Variants in HSPH1 observed in about 807,000 individuals in gnomAD.
HSPH1 encodes the protein heat shock protein family H (Hsp110) member 1, also known as heat shock protein 105 kDa.
HSPH1 carries 40 observed loss-of-function variants against 100.0 expected under a neutral mutation model. The observed-to-expected ratio is 0.40, with a 90% CI of 0.31 to 0.52. HSPH1 has a LOEUF of 0.52. HSPH1 is among the 20% of genes least tolerant of loss of function. The probability of loss-of-function intolerance (pLI) is 0.54; values close to 1 mark genes in which losing one functional copy is unlikely to be tolerated. For missense variants in HSPH1, 876 were observed against 1,015.1 expected, an observed-to-expected ratio of 0.86 and a Z score of 1.86; for synonymous variants, 403 against 344.0, an observed-to-expected ratio of 1.17 and a Z score of -1.90.
chr13:31,140,197 A>C lies in HSPH1; in HGVS notation c.1967T>G (p.Phe656Cys), dbSNP rs757280330. Reference protein sequence around the residue: ...RDKLCGPYEKFICEQDHQNFL... With the variant: ...RDKLCGPYEKCICEQDHQNFL... ...TCTAAGACATACCTGCTCACATATA[A>C]ATTTTTCATATGGTCCACACAGCTT... Residue 656 changes from phenylalanine (F) to cysteine (C), a missense_variant, in exon 14 of 18, where the codon TTT becomes TGT. Transcript: ENST00000320027. 32 of 1,610,942 alleles carry C rather than the reference A, an allele frequency of 2.0e-5. No individual in the cohort carries two copies. Among genetic ancestry groups the C allele is most frequent in the East Asian group, 4.5e-5 (2 of 44,788 alleles).
chr13:31,140,356 A>T (rs1341939542), intron 13 of HSPH1, 47 bp from the exon 14 acceptor site: 2 of 1,573,578 alleles, frequency 1.3e-6, no homozygotes, highest in African/African-American at 2.7e-5. Flanking sequence ...AGTTAACTCA[A>T]GCTAAATTCT....
chr13:31,159,607 G>A lies in HSPH1; in HGVS notation c.108-744C>T, dbSNP rs139385784. 7.6e-4 allele frequency among the ~76,000 whole-genome samples: 116 copies of A among 152,216 alleles called. 2 individuals carry two copies. In the East Asian group the frequency reaches 8.1e-3, roughly 11 times the overall value. On this transcript the variant is annotated intron_variant, in intron 1 of 17. Coordinates refer to ENST00000320027, the MANE Select transcript of HSPH1 (RefSeq NM_006644.4). Reference sequence around the variant, plus strand: ...AGCTTAAAAAGTCTTGTGAGAAGAAGGTAAGTGAATTAGGTTTTGGATTAG... The same window carrying A: ...AGCTTAAAAAGTCTTGTGAGAAGAAAGTAAGTGAATTAGGTTTTGGATTAG...
At chr13:31,152,736 A>AATCTG in intron 5 of HSPH1, 116 bp downstream of exon 5, 5 of 697,522 alleles carry the variant, frequency 7.2e-6, no homozygotes, top group South Asian at 7.1e-5. Flanking sequence ...TTTGTTTTCA[A>AATCTG]ATCTGACTTG....
chr13:31,140,849 T>C (rs1565996294), intron 13 of HSPH1: 5 of 269,228 alleles, frequency 1.9e-5, no homozygotes, highest in Non-Finnish European at 2.7e-5. Context: ...TAGTGTGCCG[T>C]GAAATTCCAA....
chr13:31,160,724 T>C (rs1353996359), intron 1 of HSPH1, among the ~76,000 whole-genome samples: 1 of 152,112 alleles, frequency 6.6e-6, no homozygotes, highest in Non-Finnish European at 1.5e-5. Flanking sequence ...CTCTTTTAAA[T>C]AAACTGTGCA....
At chr13:31,148,697 C>A (rs1050439199) in intron 8 of HSPH1, among the ~76,000 whole-genome samples, 24 of 151,682 alleles carry the variant, frequency 1.6e-4, no homozygotes, top group African/African-American at 5.8e-4. Context: ...AATAATATAT[C>A]TTAGGATAAC....
rs912869133 is a variant in HSPH1, at chr13:31,161,889, G to C, written c.-307C>G. 5 of 1,493,314 alleles carry C rather than the reference G, an allele frequency of 3.3e-6. No individual in the cohort carries two copies. Among genetic ancestry groups the C allele is most frequent in the Non-Finnish European group, 4.5e-6 (5 of 1,122,890 alleles). The allele number at this position is 1,493,314 out of a possible 1,614,324, so 92.5% of individuals were successfully genotyped here. Reference sequence around the variant, plus strand: ...CCGCGGCTCGCACACCGGCGCCGGCGCTGAACTACCGACCCAAAAGGGGAG... The same window carrying C: ...CCGCGGCTCGCACACCGGCGCCGGCCCTGAACTACCGACCCAAAAGGGGAG... On this transcript the variant is annotated 5_prime_UTR_variant, in exon 1 of 18. Transcript: ENST00000320027.
At chr13:31,141,797 T>TACACACACACACAC (rs10573885) in intron 12 of HSPH1, among the ~76,000 whole-genome samples, 2 of 124,132 alleles carry the variant, frequency 1.6e-5, no homozygotes, top group East Asian at 4.4e-4. Flanking sequence ...TCCATACACA[T>TACACACACACACAC]ACATACACAC....
Position 31,161,556 on chromosome 13 carries a change from G to A in HSPH1, c.27C>T (p.Gly9=). ...CTACCGCGATGTAGCAGCTCTGCGA[G>A]CCCACGTCCAACCCCACCACCGACA... MSVVGLDV[G]SQSCYIAVAR... Residue 9 remains glycine (G), a synonymous_variant, in exon 1 of 18, where the codon GGC becomes GGT. Transcript: ENST00000320027. 1.2e-6 allele frequency: 2 copies of A among 1,613,746 alleles called. No homozygotes were observed. Among genetic ancestry groups the A allele is most frequent in the South Asian group, 2.2e-5 (2 of 91,074 alleles).
chr13:31,146,978 CTTGA>C (rs1361349731), intron 10 of HSPH1, among the ~76,000 whole-genome samples: 3 of 152,226 alleles, frequency 2.0e-5, no homozygotes, highest in East Asian at 1.9e-4. Context: ...AGGAATACAC[CTTGA>C]TTAATTGTCA....
At chr13:31,142,094 T>C (rs74969009) in intron 12 of HSPH1, among the ~76,000 whole-genome samples, 2 of 152,194 alleles carry the variant, frequency 1.3e-5, no homozygotes, top group South Asian at 4.1e-4. Flanking sequence ...GACTCAGTTG[T>C]ATGACAGATC....
chr13:31,162,264 A>G (rs1321814093), upstream of HSPH1: 1 of 672,878 alleles, frequency 1.5e-6, no homozygotes, highest in Non-Finnish European at 2.5e-6. Context: ...CTTAACGCTA[A>G]AGGGAGGCTG....
At chr13:31,146,469 G>C (rs1401341688) in intron 10 of HSPH1, among the ~76,000 whole-genome samples, 2 of 152,124 alleles carry the variant, frequency 1.3e-5, no homozygotes, top group Non-Finnish European at 2.9e-5. Flanking sequence ...ATGAAAATTT[G>C]TTTGCAAGCA....
intron 1 of HSPH1, among the ~76,000 whole-genome samples, chr13:31,159,525 G>C (rs545441180): frequency 6.6e-6 from 1 of 152,308 alleles, no homozygotes; most frequent in South Asian, 2.1e-4. Context: ...TTACAACTGT[G>C]AAACAACCTT....
chr13:31,141,830 ATT>A (rs1336439176), intron 12 of HSPH1, among the ~76,000 whole-genome samples: 11 of 151,306 alleles, frequency 7.3e-5, no homozygotes, highest in Middle Eastern at 3.4e-3. Flanking sequence ...ACACACACAC[ATT>A]ATTACTATCC....
intron 2 of HSPH1, among the ~76,000 whole-genome samples, chr13:31,158,353 A>G (rs1196532104): frequency 1.3e-5 from 2 of 152,282 alleles, no homozygotes; most frequent in East Asian, 3.9e-4. Context: ...GTTCGAGATC[A>G]GTCTGACCAA....
intron 10 of HSPH1, among the ~76,000 whole-genome samples, chr13:31,146,939 G>C (rs141208624): frequency 6.6e-6 from 1 of 152,252 alleles, no homozygotes; most frequent in East Asian, 1.9e-4. Context: ...CAGAACTATA[G>C]ATTTAATTAC....
rs1253770154 is a variant in HSPH1 at position 31,138,888 on chromosome 13, G to A, written c.2101C>T (p.Pro701Ser). The A allele has an allele frequency of 1.9e-6, 3 of 1,605,630 alleles. No homozygotes were observed. Among genetic ancestry groups the A allele is most frequent in the Non-Finnish European group, 1.7e-6 (2 of 1,175,944 alleles). The change falls in exon 16 of 18, where the codon CCA (proline) becomes TCA (serine). Residue 701 changes from proline (P) to serine (S), a missense_variant. Transcript: ENST00000320027. ...GCTTCCTGAAACCGAACTTTAACTG[G>A]AGTGCCAATTTTCTAAAATAAAATG... ...KLEELMKIGT[P>S]VKVRFQEAEE...
chr13:31,157,340 T>C (rs1489290043), intron 2 of HSPH1, among the ~76,000 whole-genome samples: 1 of 152,226 alleles, frequency 6.6e-6, no homozygotes, highest in Non-Finnish European at 1.5e-5. Flanking sequence ...ATATTTTGAG[T>C]GTGCCTATTT....
Sources: allele counts gnomAD v4.1 joint callset (sites outside exome capture counted in the v4.1 genomes callset), GRCh38; gene constraint gnomAD v4.1.1; transcripts MANE v1.5; gene names NCBI Gene and HGNC (gene_info 2026-07-23, HGNC 2026-07-21).